RFNG: variants seen among roughly 807,000 people sequenced by gnomAD.
RFNG encodes beta-1,3-N-acetylglucosaminyltransferase radical fringe.
RFNG carries 37 observed loss-of-function variants against 29.6 expected under a neutral mutation model. The ratio of observed to expected loss-of-function variants is 1.25; its 90% CI spans 0.96 to 1.65. The LOEUF (loss-of-function observed/expected upper bound fraction) is 1.65, where lower values mean the gene tolerates loss of function less well. Among genes scored for constraint, RFNG ranks in the 40% most tolerant of loss-of-function variants. The pLI, the probability that RFNG is intolerant of heterozygous loss-of-function variation, is 0.00. For missense variants in RFNG, 546 were observed against 457.0 expected, an observed-to-expected ratio of 1.19 and a Z score of -1.78; for synonymous variants, 276 against 197.3, an observed-to-expected ratio of 1.40 and a Z score of -3.34.
In RFNG at chr17:82,049,829, T is replaced by C. The variant is rs1376068755; in HGVS notation, c.676A>G (p.Met226Val). ...MSPWASLGSF[M>V]STAEQVRLPD... The stretch of plus-strand genomic sequence containing the variant: ...AGCCGCACCTGCTCAGCTGTGCTCA[T>C]GAAGCTGCCCAGGCTGGGGGGAGGC... The change falls in exon 6 of 8, where the codon ATG becomes GTG. Residue 226 changes from methionine to valine, a missense_variant. By Grantham distance (21) the Met-to-Val change is conservative. Coordinates refer to ENST00000310496, the MANE Select transcript of RFNG (RefSeq NM_002917.2). The C allele has an allele frequency of 1.3e-6, 2 of 1,592,466 alleles. No individual in the cohort carries two copies. Among genetic ancestry groups the C allele is most frequent in the South Asian group, 1.1e-5 (1 of 88,496 alleles).
chr17:82,049,283 G>A (rs764197747), intron 6 of RFNG, 167 bp from the exon 7 acceptor site: 4 of 713,540 alleles, frequency 5.6e-6, no homozygotes, highest in Non-Finnish European at 1.0e-5. Flanking sequence ...GCTGAGTAGG[G>A]GGACACCTCA....
chr17:82,051,019 G>A lies in RFNG; in HGVS notation c.317-255C>T, dbSNP rs570446428. ...GAGGCAGCTCGCCCTGACCTGGCCT[G>A]GAAGGGCGGATTCCCTGCTGGCGCT... On this transcript the variant is annotated intron_variant, in intron 2 of 7. Transcript: ENST00000310496. The surrounding 1 kb of genome is among the most constrained non-coding windows in gnomAD (Gnocchi z 4.1). The A allele has an allele frequency of 1.1e-5, 16 of 1,401,310 alleles. No homozygotes were observed. In the South Asian group the frequency reaches 1.5e-4, roughly 13 times the overall value. The allele number at this position is 1,401,310 out of a possible 1,614,324, so 86.8% of individuals were successfully genotyped here.
Position 82,049,713 on chromosome 17 carries a change from G to C in RFNG, c.792C>G (p.Asn264Lys), listed in dbSNP as rs548244026. The change falls in exon 6 of 8, where the codon AAC becomes AAG. Residue 264 changes from asparagine to lysine, a missense_variant. Transcript: ENST00000310496. ...GGGTGTCGGGCGGCAGCCTCTGCAG[G>C]TTCTCCAGGTGAGAGTGGAAGAGGG... ...HSPLFHSHLENLQRLPPDTLL... is the reference protein window; with the variant it reads ...HSPLFHSHLEKLQRLPPDTLL... The C allele has an allele frequency of 6.7e-7, 1 of 1,502,982 alleles. No individual in the cohort carries two copies. Among genetic ancestry groups the C allele is most frequent in the Non-Finnish European group, 8.9e-7 (1 of 1,128,362 alleles). 93.1% of individuals were successfully genotyped at this position (1,502,982 alleles called of 1,614,324 possible). A position where few individuals can be genotyped will look rare whatever the true frequency, so the allele number is the denominator to read the frequency against.
Position 82,050,763 on chromosome 17 carries a change from G to A in RFNG, c.318C>T (p.Gly106=), listed in dbSNP as rs878996722. 6.2e-6 allele frequency: 10 copies of A among 1,612,446 alleles called. No homozygotes were observed. Among genetic ancestry groups the A allele is most frequent in the Admixed American group, 1.7e-5 (1 of 59,992 alleles). The change falls in exon 3 of 8, where the codon GGC becomes GGT. Residue 106 remains glycine, a splice_region_variant and synonymous_variant. Transcript: ENST00000310496. Reference sequence around the variant, plus strand: ...AGCAGTTGGTGTTGATGACACGGTCGCCTGCGAATCAGAGACGGGAAGCAC... The same window carrying A: ...AGCAGTTGGTGTTGATGACACGGTCACCTGCGAATCAGAGACGGGAAGCAC... The part of the protein sequence containing the change: ...GDDPELELQG[G]DRVINTNCSA...
At position 82,049,112 on chromosome 17, in the gene RFNG, G is replaced by A. The variant is rs370979534; in HGVS notation, c.833C>T (p.Thr278Ile). The A allele has an allele frequency of 2.5e-6, 4 of 1,613,052 alleles. No individual in the cohort carries two copies. The African/African-American group carries it at 4.0e-5, about 16-fold the overall frequency. ...LPPDTLLQQV[T>I]LSHGGPENPH... is the part of the protein sequence containing the mutation. ...GTTCTCAGGACCCCCATGGCTCAAG[G>A]TAACCTGGGAGGGAAGGGTGTGGGC... is the stretch of plus-strand genomic sequence containing the variant. The change falls in exon 7 of 8, where the codon ACC (threonine) becomes ATC (isoleucine). Residue 278 changes from threonine (T) to isoleucine (I), a missense_variant. Coordinates refer to ENST00000310496, the MANE Select transcript of RFNG (RefSeq NM_002917.2).
Position 82,051,256 on chromosome 17 carries a change from G to T in RFNG, c.316+38C>A. 3.7e-6 allele frequency: 5 copies of T among 1,344,674 alleles called. No homozygotes were observed. The highest frequency in any genetic ancestry group is 4.8e-6 in the Non-Finnish European group (5 of 1,045,182). 83.3% of individuals were successfully genotyped at this position (1,344,674 alleles called of 1,614,324 possible). On this transcript the variant is annotated intron_variant, in intron 2 of 7. Coordinates refer to ENST00000310496, the MANE Select transcript of RFNG (RefSeq NM_002917.2). The surrounding 1 kb of genome is among the most constrained non-coding windows in gnomAD (Gnocchi z 4.1). ...CTTCGGAGCGAGAAAGGCTCGGGGG[G>T]CAGATCCCGCGGGCGCCGGGGAGTG...
rs139415922 is a variant in RFNG, at chr17:82,050,525, A to G, written c.450T>C (p.Tyr150=). The G allele has an allele frequency of 4.7e-5, 75 of 1,612,656 alleles. No homozygotes were observed. The African/African-American group carries it at 8.7e-4, about 19-fold the overall frequency. ...KWFCHVDDDN[Y]VNARSLLHLL... ...GGTGCAGGAGGCTCCTGGCGTTCAC[A>G]TAATTGTCATCATCCACGTGGCAAA... is the stretch of plus-strand genomic sequence containing the variant. The change falls in exon 4 of 8, where the codon TAT becomes TAC. Residue 150 remains tyrosine (Y), a synonymous_variant. Transcript: ENST00000310496.
chr17:82,051,417 C>A lies in RFNG; in HGVS notation c.268-75G>T. 7.2e-7 allele frequency: 1 copy of A among 1,390,904 alleles called. No homozygotes were observed. The highest frequency in any genetic ancestry group is 3.0e-5 in the East Asian group (1 of 33,184). The allele number at this position is 1,390,904 out of a possible 1,614,324, so 86.2% of individuals were successfully genotyped here. On this transcript the variant is annotated intron_variant, in intron 1 of 7. Transcript: ENST00000310496. The surrounding 1 kb of genome is among the most constrained non-coding windows in gnomAD (Gnocchi z 4.1). ...GACCGACCCGCCCCGCGCGGAGCCT[C>A]CGGGGGCCTGGGCCGGGCCTAGACC...
rs118082909 is a variant in RFNG at position 82,048,682 on chromosome 17, C to T, written c.*44G>A. 1,110 of 1,529,562 alleles carry T rather than the reference C, an allele frequency of 7.3e-4. 15 individuals carry two copies. In the East Asian group the frequency reaches 0.018, roughly 25 times the overall value. The allele number at this position is 1,529,562 out of a possible 1,614,324, so 94.7% of individuals were successfully genotyped here. On this transcript the variant is annotated 3_prime_UTR_variant, in exon 8 of 8. Coordinates refer to ENST00000310496, the MANE Select transcript of RFNG (RefSeq NM_002917.2). ...GCCCATAGGGGGCTCTGGTTCCCCG[C>T]GCCTGGGACAGAGCCAGGCAGCCCT...
At chr17:82,049,470 G>T (rs566988421) in intron 6 of RFNG, 22 of 727,384 alleles carry the variant, frequency 3.0e-5, no homozygotes, top group South Asian at 3.0e-4. Context: ...TTCTCCCCTC[G>T]TTCCTCTGCC....
At chr17:82,048,917 C>T in intron 7 of RFNG, 110 bp from the exon 8 acceptor site, 1 of 1,418,868 alleles carries the variant, frequency 7.0e-7, no homozygotes, top group Non-Finnish European at 9.9e-7. Flanking sequence ...CAGGGAGAAG[C>T]CGGGGTCAGG....
Position 82,051,648 on chromosome 17 carries a change from G to T in RFNG, c.119C>A (p.Ala40Asp). ...GGACGGGGGCGCGCGCGGGGCCGGG[G>T]CGGGGGTCCGGGCCGGGGCGGGCGC... Reference protein sequence around the residue: ...PRAPAPARTPAPAPRAPPSRP... With the variant: ...PRAPAPARTPDPAPRAPPSRP... Residue 40 changes from alanine to aspartate, a missense_variant, in exon 1 of 8, where the codon GCC (alanine) becomes GAC (aspartate). Coordinates refer to ENST00000310496, the MANE Select transcript of RFNG (RefSeq NM_002917.2). This position sits in a 1 kb window ranked among gnomAD's most constrained non-coding sequence, Gnocchi z 4.1. 2.9e-6 allele frequency: 3 copies of T among 1,051,888 alleles called. No individual in the cohort carries two copies. The highest frequency in any genetic ancestry group is 3.4e-5 in the African/African-American group (2 of 58,202). The allele number at this position is 1,051,888 out of a possible 1,614,324, so 65.2% of individuals were successfully genotyped here.
rs753639592 is a variant in RFNG at position 82,049,790 on chromosome 17, T to C, written c.715A>G (p.Thr239Ala). 109 of 1,544,622 alleles carry C rather than the reference T, an allele frequency of 7.1e-5. No individual in the cohort carries two copies. Among genetic ancestry groups the C allele is most frequent in the Non-Finnish European group, 9.5e-5 (109 of 1,148,986 alleles). The change falls in exon 6 of 8, where the codon ACA becomes GCA. Residue 239 changes from threonine to alanine, a missense_variant. Transcript: ENST00000310496. ...AGCCCCTCCACGATGTAGCCAACTG[T>C]GCAGTCATCCGGCAGCCGCACCTGC... The part of the protein sequence containing the change: ...AEQVRLPDDC[T>A]VGYIVEGLLG...
Position 82,051,757 on chromosome 17 carries a change from C to A in RFNG, c.10G>T (p.Ala4Ser). ...CAGGCCCGGCACAGCGCCCCACGCG[C>A]GCGGCTCATGCGGCCGCCGGGACCC... MSR[A>S]RGALCRACLA... Residue 4 changes from alanine (A) to serine (S), a missense_variant, in exon 1 of 8, where the codon GCG (alanine) becomes TCG (serine). Physicochemically the swap from Ala to Ser is moderately conservative, Grantham distance 99. Coordinates refer to ENST00000310496, the MANE Select transcript of RFNG (RefSeq NM_002917.2). This position sits in a 1 kb window ranked among gnomAD's most constrained non-coding sequence, Gnocchi z 4.1. 1 of 1,091,340 alleles carries A rather than the reference C, an allele frequency of 9.2e-7. No individual in the cohort carries two copies. Among genetic ancestry groups the A allele is most frequent in the African/African-American group, 1.7e-5 (1 of 59,260 alleles). The allele number at this position is 1,091,340 out of a possible 1,614,324, so 67.6% of individuals were successfully genotyped here.
chr17:82,050,851 G>C (rs766753657), intron 2 of RFNG, 87 bp from the exon 3 acceptor site: 11 of 1,482,438 alleles, frequency 7.4e-6, no homozygotes, highest in Non-Finnish European at 1.0e-5. Flanking sequence ...CCAAGGGCCA[G>C]GGCACAACGT....
At chr17:82,048,829 G>A (rs1217454032) in intron 7 of RFNG, 22 bp from the exon 8 acceptor site, 4 of 1,598,570 alleles carry the variant, frequency 2.5e-6, no homozygotes, top group Middle Eastern at 1.7e-4. Context: ...AGAAGTAGGG[G>A]TCAGGGCCGT....
intron 6 of RFNG, chr17:82,049,388 G>A (rs780910187): frequency 3.6e-5 from 25 of 698,712 alleles, no homozygotes; most frequent in South Asian, 9.0e-5. Context: ...GACCTGTTCC[G>A]ACTCACCATC....
At chr17:82,049,586 G>C (rs772357348) in intron 6 of RFNG, 91 bp downstream of exon 6, 108 of 1,407,758 alleles carry the variant, frequency 7.7e-5, no homozygotes, top group Non-Finnish European at 1.0e-4. Flanking sequence ...TGCCTGCTCA[G>C]CCGGGCATCG....
chr17:82,048,543 C>A lies in RFNG; in HGVS notation c.*183G>T. The A allele has an allele frequency of 1.6e-6, 1 of 609,690 alleles. No homozygotes were observed. Among genetic ancestry groups the A allele is most frequent in the Non-Finnish European group, 2.9e-6 (1 of 342,056 alleles). The allele number at this position is 609,690 out of a possible 1,614,324, so 37.8% of individuals were successfully genotyped here. A position where few individuals can be genotyped will look rare whatever the true frequency, so the allele number is the denominator to read the frequency against. The stretch of plus-strand genomic sequence containing the variant: ...GGCTGTCTTCGTTCTCCCAAAACAC[C>A]CATCACCGCAGCCCACCAGGGGCTG... On this transcript the variant is annotated 3_prime_UTR_variant, in exon 8 of 8. Transcript: ENST00000310496.
Sources: gnomAD v4.1 joint callset for allele counts on GRCh38, gnomAD v4.1.1 for gene constraint, Gnocchi (gnomAD v3.1) non-coding constraint, MANE v1.5 for transcripts, NCBI Gene and HGNC (gene_info 2026-07-23, HGNC 2026-07-21) for gene names.